SMG5: variants seen among roughly 807,000 people sequenced by gnomAD.
The protein encoded by SMG5 is nonsense-mediated mRNA decay factor SMG5.
In SMG5, 53 loss-of-function variants were observed where a neutral mutation model predicts 122.9. That is an observed-to-expected ratio of 0.43 (90% CI 0.35 to 0.54). The LOEUF is 0.54. Ranked by LOEUF, SMG5 falls within the 20% of genes least tolerant of loss-of-function variation. The pLI is 0.01. For synonymous variants in SMG5, 477 were observed against 490.2 expected (o/e 0.97, Z 0.35); for missense variants, 1,153 against 1,285.6 (o/e 0.90, Z 1.58).
the SMG5 span, chr1:156,291,388 G>A: frequency 6.2e-7 from 1 of 1,614,104 alleles, no homozygotes; most frequent in East Asian, 2.2e-5. Flanking sequence ...CCCATAGGCT[G>A]ATCTACTGGC....
chr1:156,271,291 G>A (rs1051609590), intron 7 of SMG5, among the ~76,000 whole-genome samples: 1 of 152,144 alleles, frequency 6.6e-6, no homozygotes, highest in Non-Finnish European at 1.5e-5. Context: ...TTTAGTAGTT[G>A]ACCACTTAAG....
At chr1:156,290,055 G>A in the SMG5 span, 1 of 152,118 alleles carries the variant, frequency 6.6e-6, no homozygotes, top group Non-Finnish European at 1.5e-5. Flanking sequence ...TTCTTCATCT[G>A]CAAGAGGATA....
intron 1 of SMG5, among the ~76,000 whole-genome samples, chr1:156,281,776 T>A (rs528298778): frequency 6.6e-6 from 1 of 152,212 alleles, no homozygotes; most frequent in Admixed American, 6.5e-5. Flanking sequence ...GCGGAGCCCA[T>A]GTTCCAGTTG....
In SMG5 at chr1:156,267,474, T is replaced by C; in HGVS notation, c.1113A>G (p.Arg371=). The C allele has an allele frequency of 1.9e-6, 3 of 1,614,030 alleles. No individual in the cohort carries two copies. Among genetic ancestry groups the C allele is most frequent in the Non-Finnish European group, 2.5e-6 (3 of 1,179,926 alleles). Residue 371 remains arginine (R), a synonymous_variant, in exon 10 of 22, where the codon AGA becomes AGG. Transcript: ENST00000361813. ...ICLMCVHSLE[R]AGSKQYSAAI... ...GAGGAACATAGGGAAGGTTACCTGCTCTCTCCAAGCTGTGCACACACATAA... is the reference window on the plus strand; with the variant it reads ...GAGGAACATAGGGAAGGTTACCTGCCCTCTCCAAGCTGTGCACACACATAA...
chr1:156,287,626 T>C (rs1318925831), upstream of SMG5, among the ~76,000 whole-genome samples: 2 of 147,518 alleles, frequency 1.4e-5, no homozygotes, highest in Non-Finnish European at 3.0e-5. Flanking sequence ...TTTTTTTTTT[T>C]TTTTTGAGAC....
At chr1:156,261,553 G>T in intron 13 of SMG5, 145 bp from the exon 14 acceptor site, 1 of 680,484 alleles carries the variant, frequency 1.5e-6, no homozygotes, top group Non-Finnish European at 2.5e-6. Context: ...AAAGAAGCCT[G>T]GACAACAAGG....
At chr1:156,265,691 C>T (rs1662092011) in intron 12 of SMG5, 90 bp downstream of exon 12, 1 of 1,534,366 alleles carries the variant, frequency 6.5e-7, no homozygotes. Flanking sequence ...GACGAGAGGT[C>T]ATTCACACAG....
At chr1:156,251,936 C>T (rs1017507731) in intron 19 of SMG5, among the ~76,000 whole-genome samples, 1 of 152,238 alleles carries the variant, frequency 6.6e-6, no homozygotes. Flanking sequence ...TCTGCACATG[C>T]TGCCAGCTGC....
chr1:156,272,143 G>A (rs552003254), intron 7 of SMG5, among the ~76,000 whole-genome samples, 177 bp downstream of exon 7: 7 of 152,272 alleles, frequency 4.6e-5, no homozygotes, highest in East Asian at 1.9e-4. Flanking sequence ...CAGATCCAGC[G>A]GTTATGTGAA....
At position 156,250,877 on chromosome 1, in the gene SMG5, A is replaced by G. The variant is rs751882204; in HGVS notation, c.2948T>C (p.Val983Ala). The stretch of plus-strand genomic sequence containing the variant: ...ACCCACCTGCATGGGGCCTGAAAGC[A>G]CGCTGGGGTTGTCCAGTGGAAGGCC... ...ITGLPLDNPSVLSGPMQAALQ... is the reference protein window; with the variant it reads ...ITGLPLDNPSALSGPMQAALQ... Residue 983 changes from valine (V) to alanine (A), a missense_variant, in exon 21 of 22, where the codon GTG (valine) becomes GCG (alanine). Val to Ala is a moderately conservative substitution (Grantham distance 64). This residue lies in a region of SMG5 where 84 missense variants were observed against 82.3 expected (regional missense o/e 1.02). Coordinates refer to ENST00000361813, the MANE Select transcript of SMG5 (RefSeq NM_015327.3). 1.9e-5 allele frequency: 31 copies of G among 1,613,782 alleles called. No homozygotes were observed. In the African/African-American group the frequency reaches 2.5e-4, roughly 13 times the overall value.
chr1:156,253,721 A>G, intron 16 of SMG5: 1 of 595,128 alleles, frequency 1.7e-6, no homozygotes, highest in Non-Finnish European at 3.1e-6. Context: ...GATGCAGGTC[A>G]TGATGTTCCA....
chr1:156,282,154 G>A (rs1331998759), intron 1 of SMG5, among the ~76,000 whole-genome samples: 3 of 152,142 alleles, frequency 2.0e-5, no homozygotes, highest in Non-Finnish European at 4.4e-5. Flanking sequence ...TGAGGCCCAA[G>A]GTCACACCGT....
chr1:156,265,521 G>C (rs1662085811), intron 12 of SMG5, among the ~76,000 whole-genome samples: 1 of 152,174 alleles, frequency 6.6e-6, no homozygotes, highest in Non-Finnish European at 1.5e-5. Flanking sequence ...TTGTTGTGTA[G>C]GGAGGAAAGC....
In SMG5 at chr1:156,270,852, A is replaced by T. The variant is rs1364819669; in HGVS notation, c.713+1468T>A. On this transcript the variant is annotated intron_variant, in intron 7 of 21. Transcript: ENST00000361813. ...GAGAAACCCGGTCTCTACTAAAAAT[A>T]CAAAATTAGCCAGGCGTTGTGGTGC... Among the ~76,000 whole-genome samples the T allele has an allele frequency of 4.6e-5, 7 of 152,284 alleles. No individual in the cohort carries two copies. In the South Asian group the frequency reaches 1.5e-3, roughly 32 times the overall value.
intron 4 of SMG5, among the ~76,000 whole-genome samples, chr1:156,275,535 G>A (rs1026527057): frequency 2.0e-5 from 3 of 152,224 alleles, no homozygotes; most frequent in Non-Finnish European, 4.4e-5. Flanking sequence ...CTAAGCAGCA[G>A]AGTTAGGATA....
rs1662461830 is a variant in SMG5, at chr1:156,272,076, G to A, written c.713+244C>T. The stretch of plus-strand genomic sequence containing the variant: ...ATTTATTTCCTTCTTCAAGAAAACA[G>A]CAATCTTGTATTTTGCATAAGACAG... On this transcript the variant is annotated intron_variant, in intron 7 of 21. Transcript: ENST00000361813. 3.3e-5 allele frequency among the ~76,000 whole-genome samples: 5 copies of A among 152,216 alleles called. No homozygotes were observed. The South Asian group carries it at 1.0e-3, about 32-fold the overall frequency.
chr1:156,287,631 T>TGA (rs1553297427), upstream of SMG5, among the ~76,000 whole-genome samples: 2 of 119,546 alleles, frequency 1.7e-5, no homozygotes, highest in African/African-American at 5.7e-5. Context: ...TTTTTTTTTT[T>TGA]GAGACAGTGT....
upstream of SMG5, chr1:156,282,969 C>T: frequency 1.9e-6 from 1 of 533,634 alleles, no homozygotes; most frequent in Non-Finnish European, 3.3e-6. Flanking sequence ...GTCTTTCCGG[C>T]TTCTCCAAAC....
At chr1:156,285,281 G>A (rs771245557), upstream of SMG5, 1 of 1,570,440 alleles carries the variant, frequency 6.4e-7, no homozygotes, top group Non-Finnish European at 8.6e-7. Flanking sequence ...TGATTCCCCA[G>A]AGAAGAGCTC....
Sources: gnomAD v4.1 joint callset for allele counts (sites outside exome capture counted in the v4.1 genomes callset) on GRCh38, gnomAD v4.1.1 for gene constraint, gnomAD v4.1.1 regional missense constraint, MANE v1.5 for transcripts, NCBI Gene and HGNC (gene_info 2026-07-23, HGNC 2026-07-21) for gene names.